Variants in EHD2 observed in about 807,000 individuals in gnomAD.
EHD2 encodes EH domain containing 2.
EHD2 carries 27 observed loss-of-function variants against 41.0 expected under a neutral mutation model. The ratio of observed to expected loss-of-function variants is 0.66; its 90% CI spans 0.49 to 0.91. The LOEUF is 0.91. Among genes scored for constraint, EHD2 ranks in the 40% least tolerant of loss-of-function variants. EHD2 has a pLI of 0.00. For missense variants in EHD2, 673 were observed against 773.9 expected (o/e 0.87, Z 1.55); for synonymous variants, 342 against 341.0 (o/e 1.00, Z -0.03).
At chr19:47,715,777 C>T (rs923368368) in intron 1 of EHD2, among the ~76,000 whole-genome samples, 10 of 152,188 alleles carry the variant, frequency 6.6e-5, no homozygotes, top group Non-Finnish European at 1.2e-4. Context: ...TGGTTCGCTA[C>T]GATCTCCCTA....
In EHD2 at chr19:47,719,128, G is replaced by A. The variant is rs577527908; in HGVS notation, c.502+522G>A. ...ATTGATGGGTGGGGGAGGTGTGTGGGTGACCACGTGGTGGGAGCGGGCAGG... is the reference window on the plus strand; with the variant it reads ...ATTGATGGGTGGGGGAGGTGTGTGGATGACCACGTGGTGGGAGCGGGCAGG... On this transcript the variant is annotated intron_variant, in intron 3 of 5. Transcript: ENST00000263277. The surrounding 1 kb of genome is among the most constrained non-coding windows in gnomAD (Gnocchi z 4.1). Among the ~76,000 whole-genome samples the A allele has an allele frequency of 3.3e-4, 50 of 152,298 alleles. 1 individual carries two copies. The East Asian group carries it at 9.1e-3, about 28-fold the overall frequency.
rs1205045218 is a variant in EHD2 at position 47,743,030 on chromosome 19, C to G, written c.*1598C>G. The G allele has an allele frequency of 6.6e-6, 1 of 152,570 alleles. No homozygotes were observed. The highest frequency in any genetic ancestry group is 2.4e-5 in the African/African-American group (1 of 41,440). The allele number at this position is 152,570 out of a possible 1,614,324, so 9.5% of individuals were successfully genotyped here. A position where few individuals can be genotyped will look rare whatever the true frequency, so the allele number is the denominator to read the frequency against. On this transcript the variant is annotated 3_prime_UTR_variant, in exon 6 of 6. Coordinates refer to ENST00000263277, the MANE Select transcript of EHD2 (RefSeq NM_014601.4). ...GAGACGACGCACCCTCCAGGATGCT[C>G]GCTGGGATTCCCACGCCCACCACTG... is the stretch of plus-strand genomic sequence containing the variant.
chr19:47,736,695 A>G (rs977445241), intron 5 of EHD2, among the ~76,000 whole-genome samples, 162 bp downstream of exon 5: 2 of 152,192 alleles, frequency 1.3e-5, no homozygotes, highest in Non-Finnish European at 2.9e-5. Flanking sequence ...GAGTCAGGCT[A>G]GGGGAGTGAA....
chr19:47,729,134 C>G (rs1973782552), intron 4 of EHD2, among the ~76,000 whole-genome samples: 1 of 152,128 alleles, frequency 6.6e-6, no homozygotes, highest in African/African-American at 2.4e-5. Context: ...GGAGAGGAGA[C>G]AGATCCATCC....
chr19:47,732,669 C>T (rs373937203), intron 4 of EHD2, among the ~76,000 whole-genome samples: 2 of 152,138 alleles, frequency 1.3e-5, no homozygotes, highest in South Asian at 4.1e-4. Flanking sequence ...GATCCTCCCC[C>T]CTTGGCTTCC....
rs568040036 is a variant in EHD2, at chr19:47,720,576, T to A, written c.502+1970T>A. Among the ~76,000 whole-genome samples the A allele has an allele frequency of 8.3e-4, 127 of 152,162 alleles. 2 individuals carry two copies. Among genetic ancestry groups the A allele is most frequent in the Non-Finnish European group, 1.6e-3 (107 of 67,998 alleles). ...CCCTATATACTGTTATATTGTGACG[T>A]GTGTGTGTGAGAGAGACAGACATAA... On this transcript the variant is annotated intron_variant, in intron 3 of 5. Transcript: ENST00000263277.
chr19:47,735,056 AAAAT>A (rs1312096258), intron 4 of EHD2, among the ~76,000 whole-genome samples: 1 of 152,214 alleles, frequency 6.6e-6, no homozygotes, highest in African/African-American at 2.4e-5. Flanking sequence ...ACTCCGTCTC[AAAAT>A]AAATAAATAA....
At chr19:47,735,123 G>A (rs903690077) in intron 4 of EHD2, among the ~76,000 whole-genome samples, 12 of 152,208 alleles carry the variant, frequency 7.9e-5, no homozygotes, top group African/African-American at 2.7e-4. Flanking sequence ...CAGGGCTGGG[G>A]ATGCCCTTTT....
chr19:47,728,085 G>T (rs1973770278), intron 4 of EHD2, among the ~76,000 whole-genome samples: 1 of 127,170 alleles, frequency 7.9e-6, no homozygotes, highest in Non-Finnish European at 1.6e-5. Flanking sequence ...GACAGAACGA[G>T]ACTCTGTCTC....
chr19:47,721,535 T>TG lies in EHD2; in HGVS notation c.502+2930dup, dbSNP rs147179754. ...TTCGCCGTCTTAGCCAGGCAGGTCT[T>TG]GAACTCCTGACCTCGTGATCCACCC... On this transcript the variant is annotated intron_variant, in intron 3 of 5. Coordinates refer to ENST00000263277, the MANE Select transcript of EHD2 (RefSeq NM_014601.4). Among the ~76,000 whole-genome samples, 580 of 151,986 alleles carry TG rather than the reference T, an allele frequency of 3.8e-3. 4 individuals are homozygous for TG. Among genetic ancestry groups the TG allele is most frequent in the African/African-American group, 0.013 (545 of 41,482 alleles).
Position 47,727,834 on chromosome 19 carries a change from CTGTAA to C in EHD2, c.915+1612_915+1616del, listed in dbSNP as rs1973767749. On this transcript the variant is annotated intron_variant, in intron 4 of 5. Coordinates refer to ENST00000263277, the MANE Select transcript of EHD2 (RefSeq NM_014601.4). The stretch of plus-strand genomic sequence containing the variant: ...GAAGGCTGGGTGCGGTGGCTCACGC[CTGTAA>C]TCCCAACACTTTGGGAGGCCGAGGG... Among the ~76,000 whole-genome samples, 8 of 152,190 alleles carry C rather than the reference CTGTAA, an allele frequency of 5.3e-5. No individual in the cohort carries two copies. The South Asian group carries it at 1.7e-3, about 32-fold the overall frequency.
intron 1 of EHD2, among the ~76,000 whole-genome samples, chr19:47,713,755 G>C (rs887205289): frequency 2.1e-5 from 3 of 144,396 alleles, no homozygotes; most frequent in South Asian, 2.2e-4. Context: ...CCAGTCTTTC[G>C]CAGCCTCTCA....
At chr19:47,721,966 T>C (rs868369318) in intron 3 of EHD2, among the ~76,000 whole-genome samples, 9 of 141,526 alleles carry the variant, frequency 6.4e-5, no homozygotes, top group Admixed American at 2.9e-4. Flanking sequence ...GCCTGGGCGA[T>C]AGAGTGAGAC....
At chr19:47,722,007 AAAACAC>A (rs1166809885) in intron 3 of EHD2, among the ~76,000 whole-genome samples, 5 of 122,020 alleles carry the variant, frequency 4.1e-5, no homozygotes, top group African/African-American at 1.6e-4. Context: ...ACAGAAAAAC[AAAACAC>A]ACACACACAC....
chr19:47,721,162 GGGGTGTGTGTGTGTGT>G lies in EHD2; in HGVS notation c.502+2558_502+2573del, dbSNP rs1255319132. On this transcript the variant is annotated intron_variant, in intron 3 of 5. Transcript: ENST00000263277. ...ATGTTTGTGTCTGGATGTGCTACTG[GGGGTGTGTGTGTGTGT>G]GTGTGTGTGTGTGTGTGTATGCGAG... 1.1e-3 allele frequency among the ~76,000 whole-genome samples: 158 copies of G among 138,302 alleles called. 1 individual carries two copies. Among genetic ancestry groups the G allele is most frequent in the African/African-American group, 4.5e-3 (151 of 33,752 alleles). The allele number at this position is 138,302 out of a possible 152,430, so 90.7% of individuals were successfully genotyped here.
At chr19:47,736,250 C>T in intron 4 of EHD2, 119 bp from the exon 5 acceptor site, 1 of 859,270 alleles carries the variant, frequency 1.2e-6, no homozygotes. Context: ...AATACAAATT[C>T]TCATGCCCCA....
At chr19:47,717,072 GT>G in intron 2 of EHD2, 56 bp downstream of exon 2, 14 of 1,594,614 alleles carry the variant, frequency 8.8e-6, no homozygotes, top group Non-Finnish European at 1.2e-5. Flanking sequence ...TTAAGACAGA[GT>G]TTCCGCTCTT....
At chr19:47,730,940 G>A (rs563096201) in intron 4 of EHD2, among the ~76,000 whole-genome samples, 8 of 151,998 alleles carry the variant, frequency 5.3e-5, no homozygotes, top group Non-Finnish European at 1.2e-4. Flanking sequence ...TTACTTTTTA[G>A]TGGGGAAGCA....
chr19:47,728,152 C>T (rs1364741357), intron 4 of EHD2, among the ~76,000 whole-genome samples: 2 of 151,836 alleles, frequency 1.3e-5, no homozygotes, highest in Non-Finnish European at 1.5e-5. Flanking sequence ...TCACAGCACC[C>T]GTCTCCCATG....
Sources: allele counts gnomAD v4.1 joint callset (sites outside exome capture counted in the v4.1 genomes callset), GRCh38; gene constraint gnomAD v4.1.1; non-coding constraint Gnocchi (gnomAD v3.1); transcripts MANE v1.5; gene names NCBI Gene and HGNC (gene_info 2026-07-23, HGNC 2026-07-21).